ANO2: variants seen among roughly 807,000 people sequenced by gnomAD.
ANO2 encodes anoctamin-2.
In ANO2, 101 loss-of-function variants were observed where a neutral mutation model predicts 124.2. That is an observed-to-expected ratio of 0.81 (90% confidence interval 0.69 to 0.96). The LOEUF is 0.96. ANO2 is among the 40% of genes least tolerant of loss of function. The pLI is 0.00. For synonymous variants in ANO2, 486 were observed against 482.5 expected (o/e 1.01, Z -0.09); for missense variants, 1,293 against 1,274.5 (o/e 1.01, Z -0.22).
intron 2 of ANO2, among the ~76,000 whole-genome samples, chr12:5,921,846 C>T (rs1177874907): frequency 2.6e-5 from 4 of 152,210 alleles, no homozygotes; most frequent in African/African-American, 9.6e-5. Context: ...CTAACACACA[C>T]ACCCCCTTCC....
chr12:5,850,267 A>G (rs1591693692), intron 4 of ANO2, among the ~76,000 whole-genome samples: 1 of 151,800 alleles, frequency 6.6e-6, no homozygotes, highest in African/African-American at 2.4e-5. Flanking sequence ...AATACAAAAA[A>G]TAGCCGGGCG....
chr12:5,650,647 C>A (rs1274368379), intron 14 of ANO2, among the ~76,000 whole-genome samples: 1 of 152,236 alleles, frequency 6.6e-6, no homozygotes, highest in Non-Finnish European at 1.5e-5. Context: ...AATACGAAGA[C>A]TTGCAGCAAA....
At chr12:5,735,709 G>A (rs1950833723) in intron 13 of ANO2, among the ~76,000 whole-genome samples, 1 of 152,176 alleles carries the variant, frequency 6.6e-6, no homozygotes, top group South Asian at 2.1e-4. Context: ...GAGTCTGGGG[G>A]AAAAGCAGTC....
At chr12:5,748,868 T>C (rs894582312) in intron 11 of ANO2, among the ~76,000 whole-genome samples, 188 of 24,096 alleles carry the variant, frequency 7.8e-3, no homozygotes, top group South Asian at 0.01. Flanking sequence ...CCCTTCACCC[T>C]CCAAAAAAAA....
At chr12:5,839,905 C>G (rs980102429) in intron 4 of ANO2, among the ~76,000 whole-genome samples, 4 of 152,132 alleles carry the variant, frequency 2.6e-5, no homozygotes, top group African/African-American at 9.7e-5. Context: ...TTACTTCAAC[C>G]TAACATCCTT....
At chr12:5,875,078 C>A (rs527961921) in intron 3 of ANO2, among the ~76,000 whole-genome samples, 1 of 152,230 alleles carries the variant, frequency 6.6e-6, no homozygotes, top group South Asian at 2.1e-4. Context: ...GCCCCTCTCT[C>A]ATCACTGAAA....
At chr12:5,827,654 T>G in intron 7 of ANO2, 115 bp downstream of exon 7, 2 of 1,241,698 alleles carry the variant, frequency 1.6e-6, no homozygotes, top group Non-Finnish European at 2.3e-6. Flanking sequence ...AGCCTCTCCG[T>G]GGGGGGCATT....
rs1943866905 is a variant in ANO2 at position 5,600,156 on chromosome 12, T to A, written c.2088-527A>T. 2.0e-5 allele frequency among the ~76,000 whole-genome samples: 3 copies of A among 152,244 alleles called. No homozygotes were observed. In the South Asian group the frequency reaches 6.2e-4, roughly 32 times the overall value. ...GCTCTAATCCCCAATGTGACTGTAT[T>A]GGGAGATATGACTTTTAGGAGGTAA... On this transcript the variant is annotated intron_variant, in intron 19 of 24. Transcript: ENST00000682330.
At chr12:5,578,233 TATGAGG>T in intron 21 of ANO2, 127 bp downstream of exon 21, 1 of 1,336,412 alleles carries the variant, frequency 7.5e-7, no homozygotes, top group East Asian at 2.3e-5. Flanking sequence ...CACTTCAGGA[TATGAGG>T]ATGAGGGACC....
rs140179895 is a variant in ANO2 at position 5,841,299 on chromosome 12, G to A, written c.634-8696C>T. 2.6e-3 allele frequency among the ~76,000 whole-genome samples: 397 copies of A among 152,336 alleles called. 1 individual carries two copies. The highest frequency in any genetic ancestry group is 4.3e-3 in the Non-Finnish European group (294 of 68,040). On this transcript the variant is annotated intron_variant, in intron 4 of 24. Transcript: ENST00000682330. Reference sequence around the variant, plus strand: ...TCTCTGTGCACACCAAGAACAGCGAGAACAGGGGCTGCCCATTCCCCTCCA... The same window carrying A: ...TCTCTGTGCACACCAAGAACAGCGAAAACAGGGGCTGCCCATTCCCCTCCA...
At chr12:5,662,968 A>G (rs1289864076) in intron 14 of ANO2, among the ~76,000 whole-genome samples, 2 of 152,198 alleles carry the variant, frequency 1.3e-5, no homozygotes, top group Non-Finnish European at 2.9e-5. Context: ...TCATTTCCAA[A>G]GCTGGGCCCT....
In ANO2 at chr12:5,787,384, A is replaced by C. The variant is rs1952568507; in HGVS notation, c.1055+12123T>G. Among the ~76,000 whole-genome samples the C allele has an allele frequency of 1.3e-5, 2 of 152,086 alleles. No individual in the cohort carries two copies. Among genetic ancestry groups the C allele is most frequent in the Admixed American group, 1.3e-4 (2 of 15,270 alleles). ...CTCCTCCGTGACCTGGCTCCCCACAAGCATCTCCGCTACAGAGCTGAAGCT... is the reference window on the plus strand; with the variant it reads ...CTCCTCCGTGACCTGGCTCCCCACACGCATCTCCGCTACAGAGCTGAAGCT... On this transcript the variant is annotated intron_variant, in intron 10 of 24. Transcript: ENST00000682330. The surrounding 1 kb of genome is among the most constrained non-coding windows in gnomAD (Gnocchi z 4.2).
In ANO2 at chr12:5,900,429, A is replaced by G. The variant is rs7489044; in HGVS notation, c.534+20611T>C. 0.11 allele frequency among the ~76,000 whole-genome samples: 17,147 copies of G among 152,144 alleles called. 2,237 individuals are homozygous for G. Among genetic ancestry groups the G allele is most frequent in the African/African-American group, 0.32 (13,220 of 41,438 alleles). ...AGGGCAGAGGACAATTTAAAAATGCATTTGTGAATTTGAGTATGTTACTGA... is the reference window on the plus strand; with the variant it reads ...AGGGCAGAGGACAATTTAAAAATGCGTTTGTGAATTTGAGTATGTTACTGA... On this transcript the variant is annotated intron_variant, in intron 3 of 24. Transcript: ENST00000682330. This position sits in a 1 kb window ranked among gnomAD's most constrained non-coding sequence, Gnocchi z 4.2.
chr12:5,576,524 T>A (rs1262037669), intron 22 of ANO2, among the ~76,000 whole-genome samples: 1 of 152,238 alleles, frequency 6.6e-6, no homozygotes, highest in Non-Finnish European at 1.5e-5. Context: ...CTTTTTAGCA[T>A]GTCATGTAAT....
Position 5,627,855 on chromosome 12 carries a change from G to A in ANO2, c.1816+7297C>T, listed in dbSNP as rs539077267. The stretch of plus-strand genomic sequence containing the variant: ...CACCAGTAGTCCCAGCATTTGGAGA[G>A]GCTGAGGCAGGAGAATCACTTGAGC... On this transcript the variant is annotated intron_variant, in intron 16 of 24. Transcript: ENST00000682330. Among the ~76,000 whole-genome samples the A allele has an allele frequency of 2.2e-4, 33 of 152,264 alleles. 1 individual carries two copies. The South Asian group carries it at 6.6e-3, about 31-fold the overall frequency.
intron 13 of ANO2, chr12:5,733,044 A>G: frequency 1.4e-6 from 1 of 736,694 alleles, no homozygotes; most frequent in Non-Finnish European, 2.4e-6. Flanking sequence ...CAACAAGCCA[A>G]CTCCCAGCTG....
At chr12:5,625,601 C>T (rs1945357975) in intron 16 of ANO2, among the ~76,000 whole-genome samples, 1 of 152,060 alleles carries the variant, frequency 6.6e-6, no homozygotes, top group African/African-American at 2.4e-5. Flanking sequence ...TGATTCTGCT[C>T]CCCAAAACCC....
chr12:5,883,310 C>T (rs1938634621), intron 3 of ANO2, among the ~76,000 whole-genome samples: 1 of 152,228 alleles, frequency 6.6e-6, no homozygotes, highest in Non-Finnish European at 1.5e-5. Flanking sequence ...ACCTACTCTA[C>T]TGCTGAGCCA....
chr12:5,653,276 A>G (rs1299767826), intron 14 of ANO2, among the ~76,000 whole-genome samples: 4 of 152,228 alleles, frequency 2.6e-5, no homozygotes, highest in African/African-American at 9.6e-5. Flanking sequence ...CAAGAGGGCC[A>G]GGAATAGGTC....
Sources: allele counts gnomAD v4.1 joint callset (sites outside exome capture counted in the v4.1 genomes callset), GRCh38; gene constraint gnomAD v4.1.1; non-coding constraint Gnocchi (gnomAD v3.1); transcripts MANE v1.5; gene names NCBI Gene and HGNC (gene_info 2026-07-23, HGNC 2026-07-21).